The following SMC2 variants were observed in gnomAD, a reference collection of about 807,000 sequenced individuals.
SMC2 encodes the protein structural maintenance of chromosomes protein 2.
A neutral mutation model predicts 142.6 loss-of-function variants in SMC2; 41 were observed. That is an observed-to-expected ratio of 0.29 (90% confidence interval 0.22 to 0.37). SMC2 has a LOEUF of 0.37. SMC2 is among the 10% of genes least tolerant of loss of function. SMC2 has a pLI of 1.00. For missense variants in SMC2, 1,265 were observed against 1,373.7 expected, an observed-to-expected ratio of 0.92 and a Z score of 1.25; for synonymous variants, 463 against 457.5, an observed-to-expected ratio of 1.01 and a Z score of -0.15.
chr9:104,096,275 A>G lies in SMC2; in HGVS notation c.296A>G (p.Asp99Gly), dbSNP rs1830437686. ...AGTCCTTTAGGATTTGAGGTTCATG[A>G]TGAAATCACAGTAACAAGGCAGGTG... The part of the protein sequence containing the change: ...KQSPLGFEVH[D>G]EITVTRQVVI... The change falls in exon 3 of 25, where the codon GAT becomes GGT. Residue 99 changes from aspartate to glycine, a missense_variant. Around this residue, in one of 4 missense-constraint regions of SMC2, gnomAD observed 168 missense variants for 184.8 expected, o/e 0.91. Coordinates refer to ENST00000374793, the MANE Select transcript of SMC2 (RefSeq NM_006444.3). 3 of 1,614,174 alleles carry G rather than the reference A, an allele frequency of 1.9e-6. No homozygotes were observed. The highest frequency in any genetic ancestry group is 2.5e-6 in the Non-Finnish European group (3 of 1,179,984).
intron 3 of SMC2, among the ~76,000 whole-genome samples, chr9:104,097,112 T>G (rs1830518742): frequency 6.7e-6 from 1 of 150,158 alleles, no homozygotes; most frequent in African/African-American, 2.5e-5. Context: ...GTTTTCAGCT[T>G]GTCAAGGTTT....
intron 1 of SMC2, 36 bp downstream of exon 1, chr9:104,094,513 G>A: frequency 5.3e-6 from 2 of 378,844 alleles, no homozygotes; most frequent in Non-Finnish European, 9.3e-6. Context: ...GGTTGGGCCG[G>A]GCCAGACTTC....
Position 104,126,789 on chromosome 9 carries a change from GATTT to G in SMC2, c.2595+12_2595+15del. On this transcript the variant is annotated splice_donor_region_variant and intron_variant, in intron 19 of 24. Transcript: ENST00000374793. Reference sequence around the variant, plus strand: ...GCTGAGGTGGCTAAAAATAAGGTAGGATTTATTTATCAAATTCGAGAAATTGAAA... The same window carrying G: ...GCTGAGGTGGCTAAAAATAAGGTAGGATTTATCAAATTCGAGAAATTGAAA... 6.3e-7 allele frequency: 1 copy of G among 1,581,724 alleles called. No individual in the cohort carries two copies. The highest frequency in any genetic ancestry group is 8.6e-7 in the Non-Finnish European group (1 of 1,169,346).
At chr9:104,129,018 A>C (rs964573736) in intron 20 of SMC2, among the ~76,000 whole-genome samples, 11 of 152,268 alleles carry the variant, frequency 7.2e-5, no homozygotes, top group African/African-American at 2.4e-4. Context: ...ATTCTGAAGG[A>C]GTTCTACCTG....
In SMC2 at chr9:104,100,429, A is replaced by G. The variant is rs1352358378; in HGVS notation, c.632A>G (p.Lys211Arg). 7 of 1,506,152 alleles carry G rather than the reference A, an allele frequency of 4.6e-6. No homozygotes were observed. The highest frequency in any genetic ancestry group is 6.4e-6 in the Non-Finnish European group (7 of 1,086,818). 93.3% of individuals were successfully genotyped at this position (1,506,152 alleles called of 1,614,324 possible). A position where few individuals can be genotyped will look rare whatever the true frequency, so the allele number is the denominator to read the frequency against. ...ATTACTCCAACCATTCAAAAATTAA[A>G]AGAGGTATATTCTGTATATGTGAGG... The part of the protein sequence containing the change: ...EEITPTIQKL[K>R]EERSSYLEYQ... The change falls in exon 7 of 25, where the codon AAA becomes AGA. Residue 211 changes from lysine (K) to arginine (R), a missense_variant. By Grantham distance (26) the Lys-to-Arg change is conservative. Coordinates refer to ENST00000374793, the MANE Select transcript of SMC2 (RefSeq NM_006444.3).
chr9:104,098,656 T>C, intron 4 of SMC2, 88 bp downstream of exon 4: 2 of 1,315,672 alleles, frequency 1.5e-6, no homozygotes, highest in Non-Finnish European at 2.1e-6. Context: ...ACTTTATGTT[T>C]TGGATTTTAT....
At chr9:104,099,781 T>C in intron 5 of SMC2, 99 bp downstream of exon 5, 1 of 783,546 alleles carries the variant, frequency 1.3e-6, no homozygotes, top group Non-Finnish European at 2.1e-6. Flanking sequence ...TTTGGAGACA[T>C]TATTTGGGAA....
chr9:104,113,513 G>C, intron 11 of SMC2, 38 bp downstream of exon 11: 1 of 1,481,332 alleles, frequency 6.8e-7, no homozygotes, highest in Non-Finnish European at 9.0e-7. Flanking sequence ...ATCATGAGGA[G>C]GTAGTGATTT....
At chr9:104,094,513 G>T (rs1421906984) in intron 1 of SMC2, 36 bp downstream of exon 1, 3 of 378,728 alleles carry the variant, frequency 7.9e-6, no homozygotes, top group South Asian at 1.4e-4. Context: ...GGTTGGGCCG[G>T]GCCAGACTTC....
chr9:104,121,144 A>G (rs1049347001), intron 16 of SMC2, among the ~76,000 whole-genome samples: 1 of 138,488 alleles, frequency 7.2e-6, no homozygotes, highest in Non-Finnish European at 1.5e-5. Flanking sequence ...AATAGTCCCC[A>G]CTTGAATTGA....
Position 104,139,153 on chromosome 9 carries a change from A to G in SMC2, c.3432A>G (p.Ser1144=), listed in dbSNP as rs780882654. ...TTTTCCTTAAGTTCATTGTGGTGTCACTAAAAGAAGGTATGTTCAACAATG... is the reference window on the plus strand; with the variant it reads ...TTTTCCTTAAGTTCATTGTGGTGTCGCTAAAAGAAGGTATGTTCAACAATG... ...HFTHSQFIVV[S]LKEGMFNNAN... The change falls in exon 25 of 25, where the codon TCA becomes TCG. Residue 1144 remains serine, a synonymous_variant. Coordinates refer to ENST00000374793, the MANE Select transcript of SMC2 (RefSeq NM_006444.3). The G allele has an allele frequency of 6.4e-7, 1 of 1,562,990 alleles. No individual in the cohort carries two copies. The highest frequency in any genetic ancestry group is 1.2e-5 in the South Asian group (1 of 81,058).
chr9:104,124,816 C>T, intron 17 of SMC2, 96 bp from the exon 18 acceptor site: 1 of 853,912 alleles, frequency 1.2e-6, no homozygotes, highest in Non-Finnish European at 1.8e-6. Context: ...TTAAATTGTA[C>T]CCTGTAATTT....
chr9:104,100,128 G>A lies in SMC2; in HGVS notation c.516G>A (p.Arg172=). ...LSMIEEAAGT[R]MYEYKKIAAQ... ...TGATAGAAGAAGCAGCTGGAACCAG[G>A]ATGTATGAATACAAAAAAATAGCTG... Residue 172 remains arginine, a synonymous_variant, in exon 6 of 25, where the codon AGG becomes AGA. Coordinates refer to ENST00000374793, the MANE Select transcript of SMC2 (RefSeq NM_006444.3). 6.3e-7 allele frequency: 1 copy of A among 1,579,552 alleles called. No homozygotes were observed. Among genetic ancestry groups the A allele is most frequent in the African/African-American group, 1.4e-5 (1 of 72,648 alleles).
chr9:104,134,603 T>TATTATAAG lies in SMC2; in HGVS notation c.3269+28_3269+29insATTATAAG. ...GAGGAATCACTTTGCTATATTATAATTTTCATTCCTCTTTATTATAATTCA... is the reference window on the plus strand; with the variant it reads ...GAGGAATCACTTTGCTATATTATAATATTATAAGTTTCATTCCTCTTTATTATAATTCA... On this transcript the variant is annotated intron_variant, in intron 23 of 24. Coordinates refer to ENST00000374793, the MANE Select transcript of SMC2 (RefSeq NM_006444.3). 2 of 522,822 alleles carry TATTATAAG rather than the reference T, an allele frequency of 3.8e-6. 1 individual carries two copies. Among genetic ancestry groups the TATTATAAG allele is most frequent in the Non-Finnish European group, 5.7e-6 (2 of 353,284 alleles). 32.4% of individuals were successfully genotyped at this position (522,822 alleles called of 1,614,324 possible).
chr9:104,102,405 T>G lies in SMC2; in HGVS notation c.871-19T>G. 1 of 1,581,818 alleles carries G rather than the reference T, an allele frequency of 6.3e-7. No individual in the cohort carries two copies. The highest frequency in any genetic ancestry group is 1.2e-5 in the South Asian group (1 of 85,318). ...ACAAATTTTACATAAGTGATTGAAT[T>G]GACTGCATTTTGTTATAGGAAACTG... On this transcript the variant is annotated intron_variant, in intron 8 of 24. Coordinates refer to ENST00000374793, the MANE Select transcript of SMC2 (RefSeq NM_006444.3).
At chr9:104,098,793 T>C (rs1181135320) in intron 4 of SMC2, among the ~76,000 whole-genome samples, 1 of 152,028 alleles carries the variant, frequency 6.6e-6, no homozygotes, top group East Asian at 1.9e-4. Flanking sequence ...GTAATTTTTG[T>C]TGACTTTTTG....
chr9:104,106,764 G>T (rs560618115), intron 9 of SMC2, among the ~76,000 whole-genome samples: 290 of 152,256 alleles, frequency 1.9e-3, no homozygotes, highest in African/African-American at 6.6e-3. Context: ...TAGGCTGTTG[G>T]CAATAGCCTA....
At chr9:104,091,255 G>A (rs1829978202), upstream of SMC2, among the ~76,000 whole-genome samples, 1 of 152,172 alleles carries the variant, frequency 6.6e-6, no homozygotes, top group Admixed American at 6.5e-5. Context: ...ACATATTATA[G>A]CCTTATGATT....
Position 104,133,323 on chromosome 9 carries a change from T to C in SMC2, c.3109-1092T>C, listed in dbSNP as rs576546467. 2.8e-3 allele frequency among the ~76,000 whole-genome samples: 430 copies of C among 152,250 alleles called. 2 individuals carry two copies. The highest frequency in any genetic ancestry group is 9.8e-3 in the African/African-American group (409 of 41,548). On this transcript the variant is annotated intron_variant, in intron 22 of 24. Transcript: ENST00000374793. The stretch of plus-strand genomic sequence containing the variant: ...TAGTAGCATTCCTCTCTCTTGGTCC[T>C]GAGCTGCCTGTCCCACACTTGGCCT...
Sources: allele counts gnomAD v4.1 joint callset (sites outside exome capture counted in the v4.1 genomes callset), GRCh38; gene constraint gnomAD v4.1.1; regional missense constraint gnomAD v4.1.1; transcripts MANE v1.5; gene names NCBI Gene and HGNC (gene_info 2026-07-23, HGNC 2026-07-21).